Variants in BCR observed in about 807,000 individuals in gnomAD.
The protein encoded by BCR is breakpoint cluster region protein.
BCR carries 58 observed loss-of-function variants against 138.6 expected under a neutral mutation model. The ratio of observed to expected loss-of-function variants is 0.42; its 90% CI spans 0.34 to 0.52. The LOEUF (loss-of-function observed/expected upper bound fraction) is 0.52. BCR is among the 20% of genes least tolerant of loss of function. The pLI, the probability that BCR is intolerant of heterozygous loss-of-function variation, is 0.06. For missense variants in BCR, 1,599 were observed against 1,727.2 expected (o/e 0.93, Z 1.32); for synonymous variants, 786 against 730.1 (o/e 1.08, Z -1.23).
intron 9 of BCR, 71 bp from the exon 10 acceptor site, chr22:23,284,962 T>C: frequency 6.6e-7 from 1 of 1,524,566 alleles, no homozygotes; most frequent in Non-Finnish European, 9.0e-7. Context: ...GCTCTTGGGC[T>C]CTTGACAGCA....
At chr22:23,262,810 C>T (rs1568961088) in intron 4 of BCR, 3 of 996,990 alleles carry the variant, frequency 3.0e-6, no homozygotes, top group African/African-American at 3.5e-5. Flanking sequence ...GAAAAGCGAG[C>T]GAGAGGGGCA....
At chr22:23,260,146 A>C (rs1168364979) in intron 2 of BCR, among the ~76,000 whole-genome samples, 1 of 152,150 alleles carries the variant, frequency 6.6e-6, no homozygotes, top group Non-Finnish European at 1.5e-5. Context: ...TAGGACTAGA[A>C]GGTGGCCTCC....
At chr22:23,287,796 C>T (rs888032211) in intron 11 of BCR, among the ~76,000 whole-genome samples, 11 of 152,352 alleles carry the variant, frequency 7.2e-5, no homozygotes, top group African/African-American at 2.4e-4. Context: ...TCTGGATCAA[C>T]GTTCACCTCT....
At chr22:23,295,902 T>TA in intron 16 of BCR, among the ~76,000 whole-genome samples, 1 of 152,222 alleles carries the variant, frequency 6.6e-6, no homozygotes, top group East Asian at 1.9e-4. Flanking sequence ...GTGCTTTCCT[T>TA]ATAGTGCATT....
At chr22:23,256,774 A>C (rs1431021381) in intron 2 of BCR, among the ~76,000 whole-genome samples, 1 of 151,678 alleles carries the variant, frequency 6.6e-6, no homozygotes, top group African/African-American at 2.4e-5. Context: ...CCCTCAGTTC[A>C]CCCGTGGGCC....
chr22:23,253,302 T>C (rs2073252905), intron 1 of BCR, among the ~76,000 whole-genome samples: 2 of 152,110 alleles, frequency 1.3e-5, no homozygotes, highest in Non-Finnish European at 2.9e-5. Context: ...TGGCCATTGG[T>C]GATCAACTCA....
intron 6 of BCR, among the ~76,000 whole-genome samples, chr22:23,272,176 G>A (rs191025541): frequency 6.6e-6 from 1 of 152,328 alleles, no homozygotes; most frequent in East Asian, 1.9e-4. Flanking sequence ...AAAGTAATCT[G>A]TGCAGAGCAC....
chr22:23,194,046 TCTGA>T (rs1385361594), intron 1 of BCR, among the ~76,000 whole-genome samples: 2 of 152,214 alleles, frequency 1.3e-5, no homozygotes, highest in Non-Finnish European at 2.9e-5. Flanking sequence ...AGAGCCGCCG[TCTGA>T]CTGGTTGGAA....
chr22:23,306,250 G>C (rs112660165), intron 16 of BCR: 1 of 152,396 alleles, frequency 6.6e-6, no homozygotes, highest in African/African-American at 2.4e-5. Flanking sequence ...TCAGTACCAG[G>C]TTGGAGTGGG....
At chr22:23,263,652 A>T in intron 4 of BCR, 2 of 1,462,290 alleles carry the variant, frequency 1.4e-6, no homozygotes, top group Non-Finnish European at 1.9e-6. Context: ...TTGTCAGTGC[A>T]GGAGGAGATG....
chr22:23,288,073 G>A, intron 11 of BCR, 24 bp from the exon 12 acceptor site: 1 of 1,611,318 alleles, frequency 6.2e-7, no homozygotes, highest in Non-Finnish European at 8.5e-7. Flanking sequence ...AGATAACTGG[G>A]TGTGTTCTTC....
At chr22:23,257,843 C>T (rs2073311551) in intron 2 of BCR, among the ~76,000 whole-genome samples, 1 of 152,202 alleles carries the variant, frequency 6.6e-6, no homozygotes, top group African/African-American at 2.4e-5. Context: ...TACGGAGACC[C>T]TGAAGGAGCC....
At chr22:23,266,035 C>T (rs1463270555) in intron 4 of BCR, among the ~76,000 whole-genome samples, 2 of 152,270 alleles carry the variant, frequency 1.3e-5, no homozygotes, top group African/African-American at 4.8e-5. Flanking sequence ...AGTCTCCTTC[C>T]ATCTGTACCA....
intron 12 of BCR, 89 bp from the exon 13 acceptor site, chr22:23,289,428 C>T (rs553841660): frequency 1.8e-6 from 2 of 1,134,470 alleles, no homozygotes; most frequent in South Asian, 1.4e-5. Flanking sequence ...TGCCCCTTCC[C>T]CAGGGTGTGT....
At chr22:23,304,414 G>A (rs2073936458) in intron 16 of BCR, among the ~76,000 whole-genome samples, 1 of 151,982 alleles carries the variant, frequency 6.6e-6, no homozygotes, top group South Asian at 2.1e-4. Context: ...AGCATTGTTT[G>A]GTTCCTTTTT....
chr22:23,260,903 T>TC, intron 2 of BCR, 47 bp from the exon 3 acceptor site: 1 of 1,570,726 alleles, frequency 6.4e-7, no homozygotes, highest in Non-Finnish European at 8.8e-7. Context: ...GATGGAAGAA[T>TC]CCCCCTACCA....
chr22:23,249,130 T>C (rs548718880), intron 1 of BCR, among the ~76,000 whole-genome samples: 29 of 152,096 alleles, frequency 1.9e-4, no homozygotes, highest in Middle Eastern at 6.8e-3. Context: ...AAAAATGTTT[T>C]TAAAAATTAG....
At chr22:23,233,296 G>A (rs1344744945) in intron 1 of BCR, among the ~76,000 whole-genome samples, 12 of 152,330 alleles carry the variant, frequency 7.9e-5, no homozygotes, top group Admixed American at 4.6e-4. Context: ...CACTCCTGCC[G>A]GCCTTTCTCC....
At chr22:23,186,373 A>G (rs917833390) in intron 1 of BCR, among the ~76,000 whole-genome samples, 2 of 152,026 alleles carry the variant, frequency 1.3e-5, no homozygotes, top group African/African-American at 4.8e-5. Context: ...ACCCTTTTAA[A>G]TTGTTTCTTT....
Sources: allele counts gnomAD v4.1 joint callset (sites outside exome capture counted in the v4.1 genomes callset), GRCh38; gene constraint gnomAD v4.1.1; transcripts MANE v1.5; gene names NCBI Gene and HGNC (gene_info 2026-07-23, HGNC 2026-07-21).